CHCHD6: variants seen among roughly 807,000 people sequenced by gnomAD.
The protein encoded by CHCHD6 is coiled-coil-helix-coiled-coil-helix domain containing 6, also known as MICOS complex subunit MIC25.
In CHCHD6, 28 loss-of-function variants were observed where a neutral mutation model predicts 32.3. The ratio of observed to expected loss-of-function variants is 0.87; its 90% CI spans 0.64 to 1.19. The LOEUF (loss-of-function observed/expected upper bound fraction) is 1.19, where lower values mean the gene tolerates loss of function less well. Ranked by LOEUF, CHCHD6 falls within the 50% of genes most tolerant of loss-of-function variation. The probability of loss-of-function intolerance (pLI) is 0.00; values close to 1 mark genes in which losing one functional copy is unlikely to be tolerated. For synonymous variants in CHCHD6, 122 were observed against 117.5 expected, an observed-to-expected ratio of 1.04 and a Z score of -0.25; for missense variants, 333 against 307.0, an observed-to-expected ratio of 1.08 and a Z score of -0.63.
At chr3:126,877,794 A>G (rs1437657500) in intron 5 of CHCHD6, among the ~76,000 whole-genome samples, 6 of 152,206 alleles carry the variant, frequency 3.9e-5, no homozygotes, top group South Asian at 2.1e-4. Context: ...ATATTGTCCT[A>G]TAGTTATTAA....
At chr3:126,760,845 C>G (rs1263326923) in intron 4 of CHCHD6, among the ~76,000 whole-genome samples, 2 of 150,254 alleles carry the variant, frequency 1.3e-5, no homozygotes, top group East Asian at 3.9e-4. Context: ...TTTTTTTTTT[C>G]TCATTTGGAG....
intron 4 of CHCHD6, among the ~76,000 whole-genome samples, chr3:126,781,265 G>A (rs1014081): frequency 0.44 from 67,590 of 152,028 alleles, 16,292 homozygotes; most frequent in African/African-American, 0.64. Flanking sequence ...TAGTCAAGAC[G>A]GTGGAAGAGG....
intron 6 of CHCHD6, among the ~76,000 whole-genome samples, chr3:126,937,785 T>G (rs2078502826): frequency 6.6e-6 from 1 of 152,072 alleles, no homozygotes; most frequent in African/African-American, 2.4e-5. Flanking sequence ...TTGGTAAGAA[T>G]CTGAGCAGAA....
At chr3:126,804,900 G>A (rs541662995) in intron 4 of CHCHD6, among the ~76,000 whole-genome samples, 25 of 151,842 alleles carry the variant, frequency 1.6e-4, no homozygotes, top group African/African-American at 3.1e-4. Context: ...TTCAATATAC[G>A]CAAATCAATA....
intron 4 of CHCHD6, among the ~76,000 whole-genome samples, chr3:126,771,414 A>G (rs1937540645): frequency 6.6e-6 from 1 of 151,748 alleles, no homozygotes; most frequent in Non-Finnish European, 1.5e-5. Flanking sequence ...CATATTGACC[A>G]GGATGGTCTT....
At chr3:126,922,622 CGTGTGTGTGTGTGT>C (rs10544737) in intron 6 of CHCHD6, among the ~76,000 whole-genome samples, 4 of 147,740 alleles carry the variant, frequency 2.7e-5, no homozygotes, top group Admixed American at 6.7e-5. Context: ...CAGCCCACCA[CGTGTGTGTGTGTGT>C]GTGTGTGTGT....
intron 6 of CHCHD6, 47 bp downstream of exon 6, chr3:126,914,797 A>C (rs2078146293): frequency 1.8e-6 from 2 of 1,129,764 alleles, no homozygotes; most frequent in South Asian, 2.5e-5. Context: ...CACAATTGTA[A>C]AAATTCCCAC....
intron 5 of CHCHD6, among the ~76,000 whole-genome samples, chr3:126,910,785 G>T (rs2078078297): frequency 6.6e-6 from 1 of 152,162 alleles, no homozygotes; most frequent in African/African-American, 2.4e-5. Context: ...AGTGGGTGAG[G>T]TCTCTGAGGA....
intron 4 of CHCHD6, among the ~76,000 whole-genome samples, chr3:126,829,391 C>T (rs1407830817): frequency 1.3e-5 from 2 of 152,004 alleles, no homozygotes; most frequent in South Asian, 2.1e-4. Flanking sequence ...GGTACTATTT[C>T]CTGCTCCCAC....
At chr3:126,781,868 A>G (rs1937958916) in intron 4 of CHCHD6, among the ~76,000 whole-genome samples, 1 of 152,064 alleles carries the variant, frequency 6.6e-6, no homozygotes, top group Admixed American at 6.6e-5. Context: ...CTTTTCTTGC[A>G]GCAAACAGTA....
intron 4 of CHCHD6, among the ~76,000 whole-genome samples, chr3:126,852,025 A>G (rs1941492113): frequency 6.6e-6 from 1 of 152,118 alleles, no homozygotes. Context: ...ACAGGGACTC[A>G]ACCATCCCCA....
chr3:126,883,570 A>G (rs58009810), intron 5 of CHCHD6, among the ~76,000 whole-genome samples: 4,846 of 152,186 alleles, frequency 0.032, 170 homozygotes, highest in East Asian at 0.15. Flanking sequence ...TTCCAGACAC[A>G]GTGTTTTGAA....
intron 4 of CHCHD6, among the ~76,000 whole-genome samples, chr3:126,795,076 C>T (rs759689672): frequency 3.8e-4 from 57 of 151,976 alleles, no homozygotes; most frequent in Non-Finnish European, 6.8e-4. Context: ...CTGCAGGTTG[C>T]AGTGTTGTGA....
chr3:126,828,585 C>T (rs978934529), intron 4 of CHCHD6, among the ~76,000 whole-genome samples: 5 of 152,196 alleles, frequency 3.3e-5, no homozygotes, highest in African/African-American at 1.2e-4. Context: ...TGGGACAGGA[C>T]ACCAGTGGTT....
chr3:126,833,497 G>A (rs1436978994), intron 4 of CHCHD6, among the ~76,000 whole-genome samples: 3 of 152,194 alleles, frequency 2.0e-5, no homozygotes, highest in Non-Finnish European at 2.9e-5. Context: ...CTTTGCACGC[G>A]ATATGTCTTT....
chr3:126,862,546 A>T (rs1365253744), intron 5 of CHCHD6, among the ~76,000 whole-genome samples: 2 of 69,904 alleles, frequency 2.9e-5, no homozygotes, highest in African/African-American at 5.5e-5. Flanking sequence ...CACCATCACC[A>T]CCTCCTCCTC....
At chr3:126,883,112 A>G (rs797004009) in intron 5 of CHCHD6, among the ~76,000 whole-genome samples, 5 of 152,360 alleles carry the variant, frequency 3.3e-5, no homozygotes, top group African/African-American at 1.2e-4. Flanking sequence ...AGGTAGCTGA[A>G]CACTTGGAGG....
At chr3:126,839,995 C>T (rs1941007528) in intron 4 of CHCHD6, among the ~76,000 whole-genome samples, 3 of 152,160 alleles carry the variant, frequency 2.0e-5, no homozygotes, top group African/African-American at 7.2e-5. Flanking sequence ...GGCAAGCACT[C>T]ATCTGTTTTC....
At chr3:126,729,432 A>C (rs9830170) in intron 2 of CHCHD6, among the ~76,000 whole-genome samples, 21,445 of 152,246 alleles carry the variant, frequency 0.14, 1,658 homozygotes, top group South Asian at 0.29. Context: ...TGAGTGCCAC[A>C]TGCTCTACAT....
Sources: gnomAD v4.1 joint callset for allele counts (sites outside exome capture counted in the v4.1 genomes callset) on GRCh38, gnomAD v4.1.1 for gene constraint, MANE v1.5 for transcripts, NCBI Gene and HGNC (gene_info 2026-07-23, HGNC 2026-07-21) for gene names.